EEFSEC: variants seen among roughly 807,000 people sequenced by gnomAD.
EEFSEC encodes selenocysteine-specific elongation factor.
In EEFSEC, 43 loss-of-function variants were observed where a neutral mutation model predicts 42.1. That is an observed-to-expected ratio of 1.02 (90% CI 0.80 to 1.32). The LOEUF (loss-of-function observed/expected upper bound fraction) is 1.32. EEFSEC is among the 40% of genes most tolerant of loss of function. The pLI is 0.00. For missense variants in EEFSEC, 745 were observed against 803.6 expected, an observed-to-expected ratio of 0.93 and a Z score of 0.88; for synonymous variants, 354 against 339.1, an observed-to-expected ratio of 1.04 and a Z score of -0.48.
intron 6 of EEFSEC, among the ~76,000 whole-genome samples, chr3:128,381,899 A>G (rs954913720): frequency 2.0e-5 from 3 of 152,186 alleles, no homozygotes; most frequent in Admixed American, 6.5e-5. Flanking sequence ...AGGAAAGAGC[A>G]GAAGGGCCTG....
chr3:128,280,437 C>T (rs2066513959), intron 4 of EEFSEC, among the ~76,000 whole-genome samples: 2 of 152,252 alleles, frequency 1.3e-5, no homozygotes, highest in Non-Finnish European at 2.9e-5. Context: ...TGCCCTCACT[C>T]GGCTTTGGCC....
intron 1 of EEFSEC, among the ~76,000 whole-genome samples, chr3:128,203,553 G>A (rs2065663662): frequency 6.6e-6 from 1 of 152,230 alleles, no homozygotes; most frequent in African/African-American, 2.4e-5. Context: ...ACAGCACTGA[G>A]GAGATGGAGG....
At chr3:128,362,449 G>A (rs2067539005) in intron 6 of EEFSEC, among the ~76,000 whole-genome samples, 1 of 152,254 alleles carries the variant, frequency 6.6e-6, no homozygotes, top group South Asian at 2.1e-4. Flanking sequence ...GCAATGCTCT[G>A]TAAATCTAAA....
At chr3:128,221,096 C>G (rs1243683230) in intron 1 of EEFSEC, among the ~76,000 whole-genome samples, 3 of 152,238 alleles carry the variant, frequency 2.0e-5, no homozygotes, top group East Asian at 1.9e-4. Context: ...GCCACACTTG[C>G]ACCTTGCAAT....
chr3:128,402,047 C>T (rs542313483), intron 6 of EEFSEC, among the ~76,000 whole-genome samples: 4 of 152,202 alleles, frequency 2.6e-5, no homozygotes, highest in African/African-American at 7.2e-5. Flanking sequence ...CAGATTGCAC[C>T]GGTAGGCACC....
At chr3:128,385,668 T>G (rs1003608137) in intron 6 of EEFSEC, among the ~76,000 whole-genome samples, 2 of 152,172 alleles carry the variant, frequency 1.3e-5, no homozygotes, top group Middle Eastern at 3.2e-3. Flanking sequence ...GACTTATGAG[T>G]TCCATTCCAC....
chr3:128,206,408 A>G (rs1025597709), intron 1 of EEFSEC, among the ~76,000 whole-genome samples: 2 of 152,202 alleles, frequency 1.3e-5, no homozygotes, highest in African/African-American at 4.8e-5. Flanking sequence ...GAATCTAGGC[A>G]TTAGAGGAAG....
At chr3:128,277,003 C>T (rs2066475394) in intron 4 of EEFSEC, among the ~76,000 whole-genome samples, 1 of 152,200 alleles carries the variant, frequency 6.6e-6, no homozygotes, top group Non-Finnish European at 1.5e-5. Context: ...CCTGGCCTCC[C>T]AACCTCTTCT....
In EEFSEC at chr3:128,153,774, G is replaced by T. The variant is rs774490370; in HGVS notation, c.267G>T (p.Thr89=). The change falls in exon 1 of 7, where the codon ACG becomes ACT. Residue 89 remains threonine, a synonymous_variant. Transcript: ENST00000254730. ...PEPGEPLLQV[T]LVDCPGHASL... ...CCGGCGAGCCACTGCTTCAGGTCAC[G>T]CTGGTCGACTGCCCCGGGCACGCCT... is the stretch of plus-strand genomic sequence containing the variant. 98 of 1,536,996 alleles carry T rather than the reference G, an allele frequency of 6.4e-5. 1 individual carries two copies. The South Asian group carries it at 1.2e-3, about 18-fold the overall frequency.
At chr3:128,327,300 C>A (rs997505502) in intron 4 of EEFSEC, among the ~76,000 whole-genome samples, 4 of 150,648 alleles carry the variant, frequency 2.7e-5, no homozygotes, top group African/African-American at 7.3e-5. Flanking sequence ...ATCCCCCCCC[C>A]CCCAAGGTTG....
chr3:128,307,485 G>C (rs764837552), intron 4 of EEFSEC, among the ~76,000 whole-genome samples: 7 of 152,190 alleles, frequency 4.6e-5, no homozygotes, highest in Non-Finnish European at 1.0e-4. Flanking sequence ...TTAAGGCCTG[G>C]CTCCCACAGG....
chr3:128,191,684 C>G (rs1431367667), intron 1 of EEFSEC, among the ~76,000 whole-genome samples: 2 of 152,150 alleles, frequency 1.3e-5, no homozygotes, highest in Non-Finnish European at 2.9e-5. Flanking sequence ...TTTGACTACT[C>G]TAGGGAACTC....
intron 4 of EEFSEC, among the ~76,000 whole-genome samples, chr3:128,308,256 T>G (rs2066853064): frequency 6.6e-6 from 1 of 152,214 alleles, no homozygotes; most frequent in Non-Finnish European, 1.5e-5. Flanking sequence ...CCACTCAGAC[T>G]GGAAGAGCCA....
chr3:128,312,996 C>T (rs999357572), intron 4 of EEFSEC, among the ~76,000 whole-genome samples: 11 of 152,138 alleles, frequency 7.2e-5, no homozygotes, highest in African/African-American at 1.7e-4. Context: ...CATTTCTTGG[C>T]GGTGTGAACT....
intron 1 of EEFSEC, among the ~76,000 whole-genome samples, chr3:128,165,208 A>C (rs1299766948): frequency 6.6e-6 from 1 of 152,190 alleles, no homozygotes; most frequent in African/African-American, 2.4e-5. Context: ...GGCTCTGAGC[A>C]GTAGGCAGTT....
chr3:128,275,381 A>G (rs1324836546), intron 4 of EEFSEC, among the ~76,000 whole-genome samples: 1 of 152,218 alleles, frequency 6.6e-6, no homozygotes, highest in Admixed American at 6.5e-5. Flanking sequence ...TCTGATTCAG[A>G]TGAAAGTGTG....
chr3:128,348,253 C>T (rs930896807), intron 5 of EEFSEC, among the ~76,000 whole-genome samples: 37 of 102,006 alleles, frequency 3.6e-4, no homozygotes, highest in South Asian at 3.3e-4. Context: ...AGTGTGCATG[C>T]GTGTGTGTGT....
chr3:128,263,065 G>A (rs2066315331), intron 3 of EEFSEC, among the ~76,000 whole-genome samples: 1 of 152,188 alleles, frequency 6.6e-6, no homozygotes, highest in East Asian at 1.9e-4. Context: ...AGGGTTAAAT[G>A]AGTTAATGTG....
chr3:128,203,363 T>C (rs1034272263), intron 1 of EEFSEC, among the ~76,000 whole-genome samples: 3 of 152,240 alleles, frequency 2.0e-5, no homozygotes, highest in African/African-American at 2.4e-5. Context: ...GGCTATTTCC[T>C]TAAAGTGATG....
Sources: gnomAD v4.1 joint callset for allele counts (sites outside exome capture counted in the v4.1 genomes callset) on GRCh38, gnomAD v4.1.1 for gene constraint, MANE v1.5 for transcripts, NCBI Gene and HGNC (gene_info 2026-07-23, HGNC 2026-07-21) for gene names.